MARK3: variants seen among roughly 807,000 people sequenced by gnomAD.
The protein encoded by MARK3 is microtubule affinity regulating kinase 3, also known as MAP/microtubule affinity-regulating kinase 3.
Under a neutral mutation model 90.1 loss-of-function variants are expected in MARK3, and 46 were observed. The observed-to-expected ratio is 0.51, with a 90% CI of 0.40 to 0.65. The LOEUF (loss-of-function observed/expected upper bound fraction) is 0.65. MARK3 is among the 30% of genes least tolerant of loss of function. MARK3 has a pLI of 0.00. For missense variants in MARK3, 818 were observed against 947.2 expected (o/e 0.86, Z 1.79); for synonymous variants, 321 against 332.6 (o/e 0.97, Z 0.38).
At chr14:103,442,962 A>G (rs2092899836) in intron 3 of MARK3, among the ~76,000 whole-genome samples, 1 of 143,808 alleles carries the variant, frequency 7.0e-6, no homozygotes, top group Non-Finnish European at 1.5e-5. Flanking sequence ...TCCCACCGAC[A>G]AGGAAGTGAG....
chr14:103,458,798 A>C (rs2093335745), intron 6 of MARK3: 1 of 708,386 alleles, frequency 1.4e-6, no homozygotes, highest in African/African-American at 1.7e-5. Context: ...TTACATTTGT[A>C]AGTGATAGGA....
chr14:103,433,068 TTTTTCTTTTC>T (rs954400058), intron 3 of MARK3, among the ~76,000 whole-genome samples: 2 of 143,522 alleles, frequency 1.4e-5, no homozygotes, highest in African/African-American at 5.1e-5. Flanking sequence ...CAATTGAAGT[TTTTTCTTTTC>T]TTTTCTTTTC....
At chr14:103,398,284 T>G (rs995761809) in intron 1 of MARK3, among the ~76,000 whole-genome samples, 7 of 152,200 alleles carry the variant, frequency 4.6e-5, no homozygotes, top group African/African-American at 1.7e-4. Context: ...AGATGGCTGC[T>G]TCCATCAATA....
chr14:103,435,432 G>A (rs528861385), intron 3 of MARK3, among the ~76,000 whole-genome samples: 13 of 151,698 alleles, frequency 8.6e-5, no homozygotes, highest in African/African-American at 2.4e-4. Flanking sequence ...TTTTTGAGAC[G>A]GAGTCTCGCT....
intron 3 of MARK3, among the ~76,000 whole-genome samples, chr14:103,447,788 T>G (rs907415244): frequency 6.6e-6 from 1 of 152,178 alleles, no homozygotes; most frequent in Non-Finnish European, 1.5e-5. Context: ...TTGTTTGTTT[T>G]TTTTTGAGAC....
intron 6 of MARK3, among the ~76,000 whole-genome samples, chr14:103,457,934 C>A (rs1566878449): frequency 6.6e-6 from 1 of 152,246 alleles, no homozygotes; most frequent in East Asian, 1.9e-4. Flanking sequence ...AACGGGGTCT[C>A]GCTGTATTGC....
At chr14:103,446,887 C>G (rs959886584) in intron 3 of MARK3, among the ~76,000 whole-genome samples, 1 of 151,534 alleles carries the variant, frequency 6.6e-6, no homozygotes, top group South Asian at 2.1e-4. Context: ...GATTGGAAAA[C>G]AAGATTTCTG....
intron 17 of MARK3, among the ~76,000 whole-genome samples, chr14:103,500,633 CT>C (rs397702067): frequency 2.9e-4 from 42 of 146,804 alleles, no homozygotes; most frequent in Middle Eastern, 3.6e-3. Context: ...TTTTGCTTTT[CT>C]TTTTTTTTTT....
chr14:103,453,908 G>A (rs2093214877), intron 5 of MARK3, among the ~76,000 whole-genome samples: 2 of 152,234 alleles, frequency 1.3e-5, no homozygotes, highest in South Asian at 4.1e-4. Flanking sequence ...TGGACCGCCA[G>A]TGCTCTGACA....
At chr14:103,407,389 G>A (rs1036752263) in intron 2 of MARK3, among the ~76,000 whole-genome samples, 2 of 151,840 alleles carry the variant, frequency 1.3e-5, no homozygotes, top group East Asian at 1.9e-4. Context: ...TTCTCATAGC[G>A]TATGTTTAAT....
intron 3 of MARK3, among the ~76,000 whole-genome samples, chr14:103,431,489 G>T (rs1373283008): frequency 2.0e-5 from 3 of 152,170 alleles, no homozygotes; most frequent in African/African-American, 7.2e-5. Context: ...AAATTAGCTG[G>T]GCGTGGTGGC....
chr14:103,403,435 C>T (rs965436327), intron 1 of MARK3, among the ~76,000 whole-genome samples: 2 of 150,544 alleles, frequency 1.3e-5, no homozygotes, highest in African/African-American at 4.9e-5. Context: ...AGAAATTTCC[C>T]TTATTTTTAA....
rs377320602 is a variant in MARK3, at chr14:103,447,784, G to GT, written c.298-1126dup. Among the ~76,000 whole-genome samples the GT allele has an allele frequency of 1.3e-3, 190 of 150,548 alleles. 1 individual carries two copies. The highest frequency in any genetic ancestry group is 1.6e-3 in the Admixed American group (24 of 15,098). On this transcript the variant is annotated intron_variant, in intron 3 of 17. Transcript: ENST00000429436. ...GTCTTGGTTGGATGGTTTTTTGTTT[G>GT]TTTTTTTTTGAGACAGGGTCTCGCT...
At chr14:103,425,246 TTTA>T (rs1470118813) in intron 2 of MARK3, among the ~76,000 whole-genome samples, 5 of 125,320 alleles carry the variant, frequency 4.0e-5, no homozygotes, top group South Asian at 3.5e-4. Flanking sequence ...GGCCTATTTA[TTTA>T]TTATTTATTT....
chr14:103,445,006 T>C lies in MARK3; in HGVS notation c.298-3913T>C, dbSNP rs373059360. ...ACTTGTATGCAAATTGTCAACTTCG[T>C]AAAAAGCTCTGTGCCAGTACCCACC... is the stretch of plus-strand genomic sequence containing the variant. On this transcript the variant is annotated intron_variant, in intron 3 of 17. Coordinates refer to ENST00000429436, the MANE Select transcript of MARK3 (RefSeq NM_001128918.3). 7.9e-5 allele frequency among the ~76,000 whole-genome samples: 12 copies of C among 152,314 alleles called. No homozygotes were observed. In the East Asian group the frequency reaches 1.9e-3, roughly 24 times the overall value.
At chr14:103,393,340 C>T (rs1425112360) in intron 1 of MARK3, among the ~76,000 whole-genome samples, 1 of 152,056 alleles carries the variant, frequency 6.6e-6, no homozygotes, top group Non-Finnish European at 1.5e-5. Flanking sequence ...CTGTTTGGGC[C>T]TTATCAGAAA....
At chr14:103,391,472 A>T (rs893378868) in intron 1 of MARK3, among the ~76,000 whole-genome samples, 1 of 152,038 alleles carries the variant, frequency 6.6e-6, no homozygotes, top group African/African-American at 2.4e-5. Flanking sequence ...CACATTTCTA[A>T]TTTTTAAACT....
At chr14:103,486,319 G>C (rs34831235) in intron 14 of MARK3, among the ~76,000 whole-genome samples, 51,990 of 151,854 alleles carry the variant, frequency 0.34, 9,380 homozygotes, top group East Asian at 0.5. Flanking sequence ...CATGCCGGTA[G>C]TCCCAGCTAT....
chr14:103,436,855 C>T (rs1032499691), intron 3 of MARK3, among the ~76,000 whole-genome samples: 27 of 152,160 alleles, frequency 1.8e-4, no homozygotes, highest in African/African-American at 6.0e-4. Context: ...TTTGGGAGGC[C>T]CAGCTGGGTG....
Sources: allele counts gnomAD v4.1 joint callset (sites outside exome capture counted in the v4.1 genomes callset), GRCh38; gene constraint gnomAD v4.1.1; transcripts MANE v1.5; gene names NCBI Gene and HGNC (gene_info 2026-07-23, HGNC 2026-07-21).